TNRC6B: variants seen among roughly 807,000 people sequenced by gnomAD.
TNRC6B encodes trinucleotide repeat containing adaptor 6B, also known as trinucleotide repeat-containing gene 6B protein.
A neutral mutation model predicts 203.6 loss-of-function variants in TNRC6B; 52 were observed. The observed-to-expected ratio is 0.26, with a 90% CI of 0.20 to 0.32. The LOEUF is 0.32. TNRC6B is among the 10% of genes least tolerant of loss of function. TNRC6B has a pLI of 1.00. For synonymous variants in TNRC6B, 838 were observed against 845.7 expected, an observed-to-expected ratio of 0.99 and a Z score of 0.16; for missense variants, 1,923 against 2,286.2, an observed-to-expected ratio of 0.84 and a Z score of 3.24.
chr22:40,321,366 CGAGTGTGGA>C (rs1232130901), intron 22 of TNRC6B, 137 bp downstream of exon 22: 21 of 1,084,522 alleles, frequency 1.9e-5, no homozygotes, highest in Non-Finnish European at 2.8e-5. Context: ...CTGCAAGTCT[CGAGTGTGGA>C]GAGTGTGGAG....
At chr22:40,100,066 TATTATTTA>T (rs869116875) in intron 1 of TNRC6B, among the ~76,000 whole-genome samples, 1,774 of 81,402 alleles carry the variant, frequency 0.022, 27 homozygotes, top group African/African-American at 0.095. Context: ...ATTTTATTTT[TATTATTTA>T]TTTATTTATT....
intron 1 of TNRC6B, among the ~76,000 whole-genome samples, chr22:40,197,135 T>C (rs769130846): frequency 1.1e-4 from 16 of 152,108 alleles, no homozygotes; most frequent in Non-Finnish European, 1.8e-4. Context: ...TCTTAAAATA[T>C]GGATGCAGAT....
chr22:40,106,651 T>G, intron 1 of TNRC6B: 1 of 746,928 alleles, frequency 1.3e-6, no homozygotes, highest in South Asian at 1.4e-5. Context: ...AAGCAATATA[T>G]GACTCTACAA....
At chr22:40,081,256 C>CT (rs1403980966) in intron 1 of TNRC6B, among the ~76,000 whole-genome samples, 4 of 149,226 alleles carry the variant, frequency 2.7e-5, no homozygotes, top group Admixed American at 6.7e-5. Flanking sequence ...AAATAAAACT[C>CT]TAATTCTTCA....
chr22:40,287,209 A>T (rs181393431), intron 12 of TNRC6B, among the ~76,000 whole-genome samples: 1 of 151,700 alleles, frequency 6.6e-6, no homozygotes, highest in African/African-American at 2.4e-5. Flanking sequence ...GAGTCATGCT[A>T]TGTTGCCCAG....
chr22:40,064,612 C>T (rs1203350252), intron 1 of TNRC6B, among the ~76,000 whole-genome samples: 1 of 150,194 alleles, frequency 6.7e-6, no homozygotes, highest in Non-Finnish European at 1.5e-5. Context: ...GGTGTATAAT[C>T]CTTTTTTTTT....
chr22:40,087,208 T>C (rs888738342), intron 1 of TNRC6B, among the ~76,000 whole-genome samples: 3 of 152,346 alleles, frequency 2.0e-5, no homozygotes, highest in Middle Eastern at 3.4e-3. Context: ...AGAATGATTG[T>C]ATATTTAAAT....
intron 15 of TNRC6B, among the ~76,000 whole-genome samples, chr22:40,303,325 C>A (rs1470784282): frequency 6.6e-6 from 1 of 151,992 alleles, no homozygotes; most frequent in Admixed American, 6.6e-5. Context: ...TGCACCTGGC[C>A]GATTCTTTCT....
At chr22:40,247,117 T>C (rs2070117950) in intron 2 of TNRC6B, among the ~76,000 whole-genome samples, 1 of 152,128 alleles carries the variant, frequency 6.6e-6, no homozygotes, top group Non-Finnish European at 1.5e-5. Context: ...CACCTTACCA[T>C]TCTTTTTGCA....
intron 17 of TNRC6B, 79 bp from the exon 18 acceptor site, chr22:40,312,426 A>G (rs2071196946): frequency 1.4e-6 from 2 of 1,417,800 alleles, no homozygotes; most frequent in Non-Finnish European, 9.5e-7. Context: ...TCACAGACCC[A>G]TTTCTTATGT....
At chr22:40,139,191 G>A (rs2068625174) in intron 3 of TNRC6B, among the ~76,000 whole-genome samples, 1 of 152,096 alleles carries the variant, frequency 6.6e-6, no homozygotes, top group African/African-American at 2.4e-5. Flanking sequence ...GAATCATACA[G>A]TATGTTTTCC....
At chr22:40,136,370 C>CTTGTGTGTGTGT (rs1555884881) in intron 3 of TNRC6B, among the ~76,000 whole-genome samples, 1 of 77,642 alleles carries the variant, frequency 1.3e-5, no homozygotes, top group Non-Finnish European at 2.3e-5. Context: ...GTATGTTTAT[C>CTTGTGTGTGTGT]TTGTGTGTGT....
intron 1 of TNRC6B, among the ~76,000 whole-genome samples, chr22:40,100,754 A>T (rs1449164430): frequency 6.6e-6 from 1 of 152,154 alleles, no homozygotes; most frequent in Non-Finnish European, 1.5e-5. Context: ...TCTGGAACCA[A>T]TCTCCCAAGG....
chr22:40,314,554 C>G (rs1416565985), intron 19 of TNRC6B, among the ~76,000 whole-genome samples: 1 of 152,192 alleles, frequency 6.6e-6, no homozygotes, highest in Non-Finnish European at 1.5e-5. Context: ...ATTCCTGTTT[C>G]TTTGTGCCCA....
intron 8 of TNRC6B, 70 bp downstream of exon 8, chr22:40,277,221 G>C (rs1185441726): frequency 2.6e-6 from 3 of 1,138,740 alleles, no homozygotes; most frequent in African/African-American, 3.1e-5. Flanking sequence ...CCAATTTTAA[G>C]ACAACTGCCA....
intron 1 of TNRC6B, among the ~76,000 whole-genome samples, chr22:40,222,375 G>C (rs558946839): frequency 1.3e-5 from 2 of 152,326 alleles, no homozygotes; most frequent in East Asian, 3.9e-4. Flanking sequence ...ACTAGGACCA[G>C]AAGAAAGGAG....
chr22:40,149,337 A>G (rs1037418058), intron 3 of TNRC6B, among the ~76,000 whole-genome samples: 1 of 152,178 alleles, frequency 6.6e-6, no homozygotes, highest in Admixed American at 6.5e-5. Flanking sequence ...TAGAAAGTTC[A>G]TCAGTGGTTG....
chr22:40,290,141 C>A lies in TNRC6B; in HGVS notation c.3708+4371C>A, dbSNP rs58832894. On this transcript the variant is annotated intron_variant, in intron 12 of 22. Transcript: ENST00000454349. ...GTCTCACGTCTGAGTCAGACTGATT[C>A]TCTGACACCGCACTGTCCAGTGTGA... Among the ~76,000 whole-genome samples the A allele has an allele frequency of 2.8e-4, 42 of 152,340 alleles. No homozygotes were observed. In the East Asian group the frequency reaches 7.7e-3, roughly 28 times the overall value.
intron 1 of TNRC6B, among the ~76,000 whole-genome samples, chr22:40,232,351 G>A (rs1041299968): frequency 6.6e-6 from 1 of 152,192 alleles, no homozygotes; most frequent in African/African-American, 2.4e-5. Context: ...AGAAAACCAG[G>A]TCGTGAGTGG....
Sources: allele counts gnomAD v4.1 joint callset (sites outside exome capture counted in the v4.1 genomes callset), GRCh38; gene constraint gnomAD v4.1.1; transcripts MANE v1.5; gene names NCBI Gene and HGNC (gene_info 2026-07-23, HGNC 2026-07-21).